UNC93A: variants seen among roughly 807,000 people sequenced by gnomAD.
UNC93A encodes unc-93 homolog A.
In UNC93A, 43 loss-of-function variants were observed where a neutral mutation model predicts 47.5. The observed-to-expected ratio is 0.91, with a 90% CI of 0.71 to 1.17. The LOEUF is 1.17. Ranked by LOEUF, UNC93A falls within the 50% of genes most tolerant of loss-of-function variation. The pLI, the probability that UNC93A is intolerant of heterozygous loss-of-function variation, is 0.00. For synonymous variants in UNC93A, 280 were observed against 258.0 expected (o/e 1.09, Z -0.82); for missense variants, 605 against 577.6 (o/e 1.05, Z -0.49).
chr6:167,284,533 C>A (rs1242120934), intron 1 of UNC93A, among the ~76,000 whole-genome samples: 1 of 152,288 alleles, frequency 6.6e-6, no homozygotes, highest in Non-Finnish European at 1.5e-5. Flanking sequence ...CCATCCTCTC[C>A]GCTAAGCCCT....
chr6:167,302,609 G>A (rs1036643030), intron 4 of UNC93A, among the ~76,000 whole-genome samples: 2 of 152,162 alleles, frequency 1.3e-5, no homozygotes, highest in African/African-American at 2.4e-5. Context: ...GTTCTCCATC[G>A]ACAGAAATTG....
chr6:167,294,142 C>T (rs545541706), intron 1 of UNC93A, among the ~76,000 whole-genome samples: 26 of 152,276 alleles, frequency 1.7e-4, no homozygotes, highest in South Asian at 2.1e-4. Context: ...CCTGGGAGCA[C>T]GCAGGCTCCT....
upstream of UNC93A, chr6:167,291,187 C>A: frequency 4.2e-6 from 1 of 236,394 alleles, no homozygotes; most frequent in Non-Finnish European, 8.1e-6. Context: ...GAAAAAAGCG[C>A]AATTAACTAG....
intron 1 of UNC93A, 144 bp from the exon 2 acceptor site, chr6:167,294,373 G>A (rs1777987635): frequency 4.6e-6 from 4 of 878,006 alleles, no homozygotes; most frequent in Admixed American, 2.6e-5. Flanking sequence ...CAGCTTCAGA[G>A]GAGGCTCCCA....
At chr6:167,286,208 A>G (rs545542198) in intron 1 of UNC93A, among the ~76,000 whole-genome samples, 2 of 152,136 alleles carry the variant, frequency 1.3e-5, no homozygotes, top group South Asian at 4.1e-4. Context: ...CCTTCATCAT[A>G]TCGAGTACCT....
intron 1 of UNC93A, among the ~76,000 whole-genome samples, chr6:167,281,164 A>G (rs1783627474): frequency 6.6e-6 from 1 of 151,350 alleles, no homozygotes; most frequent in East Asian, 1.9e-4. Flanking sequence ...GAGCCTCGGT[A>G]GGTCATCCCA....
At chr6:167,283,407 C>T (rs1783665299) in intron 1 of UNC93A, among the ~76,000 whole-genome samples, 2 of 152,124 alleles carry the variant, frequency 1.3e-5, no homozygotes, top group Non-Finnish European at 2.9e-5. Flanking sequence ...CACATCGGAC[C>T]TTGCCTTCCC....
intron 1 of UNC93A, among the ~76,000 whole-genome samples, chr6:167,285,631 T>C (rs1438094945): frequency 1.3e-5 from 2 of 151,536 alleles, no homozygotes; most frequent in African/African-American, 4.8e-5. Flanking sequence ...CGGCATCTGG[T>C]ACCTGAGCTG....
intron 1 of UNC93A, among the ~76,000 whole-genome samples, chr6:167,278,251 G>C (rs927649392): frequency 6.6e-6 from 1 of 152,206 alleles, no homozygotes; most frequent in African/African-American, 2.4e-5. Context: ...GGTTGGGGAA[G>C]GTTTGACAAC....
chr6:167,311,141 A>T (rs1440060241), intron 7 of UNC93A, among the ~76,000 whole-genome samples: 1 of 152,196 alleles, frequency 6.6e-6, no homozygotes, highest in East Asian at 1.9e-4. Context: ...TTAGATTTCT[A>T]ATCCTATTCT....
intron 7 of UNC93A, among the ~76,000 whole-genome samples, chr6:167,311,274 C>T (rs1778549231): frequency 2.0e-5 from 3 of 152,332 alleles, no homozygotes; most frequent in African/African-American, 2.4e-5. Context: ...AATTTAAAGA[C>T]TGGTCCTTAC....
Position 167,304,048 on chromosome 6 carries a change from A to G in UNC93A, c.755A>G (p.Tyr252Cys). 1 of 1,614,026 alleles carries G rather than the reference A, an allele frequency of 6.2e-7. No homozygotes were observed. Among genetic ancestry groups the G allele is most frequent in the East Asian group, 2.2e-5 (1 of 44,882 alleles). Reference protein sequence around the residue: ...WSTLLSTFKLYRDKRLCLLIL... With the variant: ...WSTLLSTFKLCRDKRLCLLIL... ...ACTTTACTGTCGACTTTCAAGCTAT[A>G]TAGAGATAAACGTCTGTGCCTCTTA... The change falls in exon 5 of 8, where the codon TAT (tyrosine) becomes TGT (cysteine). Residue 252 changes from tyrosine to cysteine, a missense_variant. Tyr to Cys is a radical substitution (Grantham distance 194). Coordinates refer to ENST00000230256, the MANE Select transcript of UNC93A (RefSeq NM_018974.4).
At chr6:167,287,450 T>A (rs1460508131), upstream of UNC93A, among the ~76,000 whole-genome samples, 1 of 152,190 alleles carries the variant, frequency 6.6e-6, no homozygotes, top group African/African-American at 2.4e-5. Flanking sequence ...ATTTCAGTTC[T>A]CTATTTTGCT....
rs1555034 is a variant in UNC93A, at chr6:167,298,057, G to A, written c.612G>A (p.Leu204=). ...CCCAGCAGCTGGTCTACACCCTCCT[G>A]GGCATCTACACTGGTACGAGCTCCA... ...RPSQQLVYTL[L]GIYTGSGVLA... is the part of the protein sequence containing the mutation. The change falls in exon 4 of 8, where the codon CTG becomes CTA. Residue 204 remains leucine (L), a synonymous_variant. Transcript: ENST00000230256. 1 of 1,613,020 alleles carries A rather than the reference G, an allele frequency of 6.2e-7. No homozygotes were observed. The highest frequency in any genetic ancestry group is 1.3e-5 in the African/African-American group (1 of 74,752).
chr6:167,282,185 C>T (rs766121085), intron 1 of UNC93A, among the ~76,000 whole-genome samples: 5 of 152,216 alleles, frequency 3.3e-5, no homozygotes, highest in Non-Finnish European at 7.4e-5. Flanking sequence ...CTGGGGGATG[C>T]CTCAGTCCAT....
At chr6:167,286,330 C>G (rs1026326966), upstream of UNC93A, among the ~76,000 whole-genome samples, 1 of 152,226 alleles carries the variant, frequency 6.6e-6, no homozygotes, top group African/African-American at 2.4e-5. Flanking sequence ...GGCCTTACCG[C>G]CCGCTGAGCG....
chr6:167,273,306 C>T (rs114713997), intron 1 of UNC93A, among the ~76,000 whole-genome samples: 2,165 of 152,252 alleles, frequency 0.014, 64 homozygotes, highest in African/African-American at 0.049. Flanking sequence ...ACTCCTAACT[C>T]CAGGTGAAGC....
intron 1 of UNC93A, among the ~76,000 whole-genome samples, chr6:167,279,491 G>T (rs968136373): frequency 6.6e-6 from 1 of 152,110 alleles, no homozygotes; most frequent in African/African-American, 2.4e-5. Flanking sequence ...ATATCTTGGT[G>T]CAAGTCATGA....
chr6:167,295,555 C>CTCCTCGCCTCCCTCGTGA (rs1562350217), intron 2 of UNC93A, among the ~76,000 whole-genome samples: 5 of 61,794 alleles, frequency 8.1e-5, no homozygotes, highest in Non-Finnish European at 3.2e-5. Flanking sequence ...CTCCCTCGTG[C>CTCCTCGCCTCCCTCGTGA]TCCTCGCCTC....
Sources: allele counts gnomAD v4.1 joint callset (sites outside exome capture counted in the v4.1 genomes callset), GRCh38; gene constraint gnomAD v4.1.1; transcripts MANE v1.5; gene names NCBI Gene and HGNC (gene_info 2026-07-23, HGNC 2026-07-21).